BAZ2B: variants seen among roughly 807,000 people sequenced by gnomAD.
The protein encoded by BAZ2B is bromodomain adjacent to zinc finger domain protein 2B.
Under a neutral mutation model 246.0 loss-of-function variants are expected in BAZ2B, and 91 were observed. That is an observed-to-expected ratio of 0.37 (90% CI 0.31 to 0.44). The LOEUF is 0.44. Ranked by LOEUF, BAZ2B falls within the 20% of genes least tolerant of loss-of-function variation. The probability of loss-of-function intolerance (pLI) is 1.00; values close to 1 mark genes in which losing one functional copy is unlikely to be tolerated. For missense variants in BAZ2B, 2,332 were observed against 2,533.7 expected (o/e 0.92, Z 1.71); for synonymous variants, 855 against 860.0 (o/e 0.99, Z 0.10).
At chr2:159,575,896 A>C (rs1685175479) in intron 1 of BAZ2B, among the ~76,000 whole-genome samples, 1 of 152,206 alleles carries the variant, frequency 6.6e-6, no homozygotes, top group Non-Finnish European at 1.5e-5. Flanking sequence ...GTTTTCCTTC[A>C]TTCATTTTAG....
At chr2:159,586,649 G>A (rs1365794788) in intron 1 of BAZ2B, among the ~76,000 whole-genome samples, 1 of 152,108 alleles carries the variant, frequency 6.6e-6, no homozygotes, top group Non-Finnish European at 1.5e-5. Flanking sequence ...CAGGAGGACT[G>A]CTTGAGACTA....
At chr2:159,606,222 C>A (rs1022024392) in intron 1 of BAZ2B, among the ~76,000 whole-genome samples, 1 of 152,186 alleles carries the variant, frequency 6.6e-6, no homozygotes, top group African/African-American at 2.4e-5. Context: ...TTAAAATTGT[C>A]TCCTTTTTTG....
rs754454934 is a variant in BAZ2B, at chr2:159,382,730, C to T, written c.3834G>A (p.Gln1278=). 21 of 1,613,636 alleles carry T rather than the reference C, an allele frequency of 1.3e-5. No individual in the cohort carries two copies. The highest frequency in any genetic ancestry group is 1.6e-5 in the Non-Finnish European group (19 of 1,179,868). Residue 1278 remains glutamine, a synonymous_variant, in exon 25 of 37, where the codon CAG becomes CAA. Coordinates refer to ENST00000392783, the MANE Select transcript of BAZ2B (RefSeq NM_013450.4). ...TSGGIDLGEE[Q]HPLGTPTPGR... ...CTGGAGTGGGTGTGCCCAAGGGATG[C>T]TGCTCTTCTCCCAGATCAATGCCAC...
In BAZ2B at chr2:159,385,161, A is replaced by G. The variant is rs774065017; in HGVS notation, c.3680T>C (p.Val1227Ala). 1.2e-6 allele frequency: 2 copies of G among 1,612,064 alleles called. No individual in the cohort carries two copies. The highest frequency in any genetic ancestry group is 1.7e-6 in the Non-Finnish European group (2 of 1,178,308). ...LINELACSKS[V>A]VSEIDKNIDY... The stretch of plus-strand genomic sequence containing the variant: ...AGCCTGGGCATATGCTCACCTGACC[A>G]CACTCTTGCTGCATGCCAGTTCATT... Residue 1227 changes from valine to alanine, a missense_variant, in exon 23 of 37, where the codon GTG becomes GCG. Transcript: ENST00000392783.
At chr2:159,371,398 C>T (rs2060834285) in intron 27 of BAZ2B, among the ~76,000 whole-genome samples, 1 of 152,168 alleles carries the variant, frequency 6.6e-6, no homozygotes. Context: ...TCTGCCTTGG[C>T]CTCCCAAAGT....
intron 17 of BAZ2B, among the ~76,000 whole-genome samples, chr2:159,399,730 C>A (rs1423552030): frequency 1.3e-5 from 2 of 151,986 alleles, no homozygotes; most frequent in Non-Finnish European, 2.9e-5. Context: ...ACAGAGAAAA[C>A]CTCAGCTATC....
the BAZ2B span, among the ~76,000 whole-genome samples, chr2:159,667,507 A>G: frequency 1.3e-5 from 2 of 151,932 alleles, no homozygotes; most frequent in African/African-American, 4.8e-5. Flanking sequence ...GAGGCACGAG[A>G]ATCGCTTGAA....
chr2:159,519,226 T>C (rs1352763853), intron 2 of BAZ2B, among the ~76,000 whole-genome samples: 2 of 48,120 alleles, frequency 4.2e-5, no homozygotes, highest in East Asian at 3.4e-4. Context: ...TTTTTTTTTT[T>C]TTTTTTTTTT....
At chr2:159,575,555 A>G (rs1685097357) in intron 1 of BAZ2B, among the ~76,000 whole-genome samples, 1 of 152,200 alleles carries the variant, frequency 6.6e-6, no homozygotes, top group African/African-American at 2.4e-5. Context: ...ATGAAATTAC[A>G]ACTGCTTTTA....
chr2:159,631,912 A>G, the BAZ2B span, among the ~76,000 whole-genome samples: 4 of 152,302 alleles, frequency 2.6e-5, no homozygotes, highest in East Asian at 7.7e-4. Context: ...GTACATCTAT[A>G]TATCACAAGA....
At chr2:159,492,928 CCT>C (rs2080661346) in intron 2 of BAZ2B, among the ~76,000 whole-genome samples, 2 of 152,142 alleles carry the variant, frequency 1.3e-5, no homozygotes, top group South Asian at 4.1e-4. Flanking sequence ...GTGCCAACAA[CCT>C]CTGTTTTTGA....
chr2:159,409,867 C>A (rs1489959036), intron 14 of BAZ2B, among the ~76,000 whole-genome samples: 1 of 152,014 alleles, frequency 6.6e-6, no homozygotes, highest in Admixed American at 6.6e-5. Context: ...ACAGAACTTG[C>A]AAAATGCAAT....
At chr2:159,376,689 TA>T (rs1194161508) in intron 25 of BAZ2B, among the ~76,000 whole-genome samples, 1 of 152,182 alleles carries the variant, frequency 6.6e-6, no homozygotes, top group African/African-American at 2.4e-5. Flanking sequence ...GTTCAATCAA[TA>T]AATATTCAAA....
At chr2:159,639,358 T>C in the BAZ2B span, among the ~76,000 whole-genome samples, 1 of 152,074 alleles carries the variant, frequency 6.6e-6, no homozygotes, top group East Asian at 1.9e-4. Flanking sequence ...TAAAAAACAC[T>C]GGTAATGGTA....
intron 1 of BAZ2B, among the ~76,000 whole-genome samples, chr2:159,588,188 C>G (rs1688477776): frequency 7.4e-6 from 1 of 134,674 alleles, no homozygotes; most frequent in South Asian, 2.6e-4. Context: ...GCACTTCAGC[C>G]TGGGTGACAG....
intron 1 of BAZ2B, among the ~76,000 whole-genome samples, chr2:159,613,459 TAAAAAA>T (rs70997176): frequency 1.4e-5 from 2 of 144,360 alleles, no homozygotes; most frequent in African/African-American, 2.5e-5. Flanking sequence ...TCTGATTTTC[TAAAAAA>T]AAAAAAAAAA....
intron 1 of BAZ2B, among the ~76,000 whole-genome samples, chr2:159,563,246 A>C (rs2090052903): frequency 6.6e-6 from 1 of 152,106 alleles, no homozygotes; most frequent in African/African-American, 2.4e-5. Context: ...ACAAACAAAA[A>C]ATTTGGTCTA....
intron 2 of BAZ2B, among the ~76,000 whole-genome samples, chr2:159,487,020 T>C (rs969980746): frequency 3.3e-5 from 5 of 152,186 alleles, no homozygotes; most frequent in African/African-American, 1.2e-4. Flanking sequence ...AATTTGTAAC[T>C]GTATTTACTT....
At chr2:159,512,086 T>C (rs2151191594) in intron 2 of BAZ2B, among the ~76,000 whole-genome samples, 1 of 152,300 alleles carries the variant, frequency 6.6e-6, no homozygotes, top group South Asian at 2.1e-4. Context: ...AGTTTCTACC[T>C]ATTCCCTCAG....
Sources: allele counts gnomAD v4.1 joint callset (sites outside exome capture counted in the v4.1 genomes callset), GRCh38; gene constraint gnomAD v4.1.1; transcripts MANE v1.5; gene names NCBI Gene and HGNC (gene_info 2026-07-23, HGNC 2026-07-21).